Variants in RCL1 observed in about 807,000 individuals in gnomAD.
RCL1 encodes the protein RNA 3'-terminal phosphate cyclase-like protein.
A neutral mutation model predicts 42.4 loss-of-function variants in RCL1; 24 were observed. The observed-to-expected ratio is 0.57, with a 90% CI of 0.41 to 0.80. RCL1 has a LOEUF of 0.80. Ranked by LOEUF, RCL1 falls within the 30% of genes least tolerant of loss-of-function variation. RCL1 has a pLI of 0.00. For synonymous variants in RCL1, 228 were observed against 177.3 expected, an observed-to-expected ratio of 1.29 and a Z score of -2.27; for missense variants, 578 against 467.9, an observed-to-expected ratio of 1.24 and a Z score of -2.17.
chr9:4,831,331 C>T (rs562863133), intron 3 of RCL1, among the ~76,000 whole-genome samples: 2 of 148,798 alleles, frequency 1.3e-5, no homozygotes, highest in African/African-American at 5.2e-5. Context: ...CTCGAGAGAG[C>T]CGGTGGCTGC....
At chr9:4,820,686 C>T (rs1454045956) in intron 1 of RCL1, among the ~76,000 whole-genome samples, 1 of 152,158 alleles carries the variant, frequency 6.6e-6, no homozygotes, top group Non-Finnish European at 1.5e-5. Flanking sequence ...AAAGTTTGAA[C>T]AAATCAAGGG....
At chr9:4,850,493 CTTTT>C (rs35181848) in intron 8 of RCL1, 26 of 136,934 alleles carry the variant, frequency 1.9e-4, no homozygotes, top group South Asian at 4.1e-4. Context: ...TTTTTTTTTT[CTTTT>C]TTTTTTTTTT....
At chr9:4,831,993 T>C (rs1378139514) in intron 3 of RCL1, among the ~76,000 whole-genome samples, 1 of 152,172 alleles carries the variant, frequency 6.6e-6, no homozygotes, top group Non-Finnish European at 1.5e-5. Flanking sequence ...ATGCCTTCTG[T>C]GTGGTGCCTG....
chr9:4,829,589 G>C (rs1816883185), intron 3 of RCL1, among the ~76,000 whole-genome samples: 1 of 152,194 alleles, frequency 6.6e-6, no homozygotes, highest in African/African-American at 2.4e-5. Flanking sequence ...GATCTTACCT[G>C]CTGATACTTA....
chr9:4,808,795 G>C (rs902984949), intron 1 of RCL1, among the ~76,000 whole-genome samples: 10 of 152,184 alleles, frequency 6.6e-5, no homozygotes, highest in African/African-American at 2.2e-4. Flanking sequence ...GGGTAATGTG[G>C]ATTCTCATAT....
chr9:4,857,044 T>C (rs1035691217), intron 8 of RCL1, among the ~76,000 whole-genome samples: 3 of 152,226 alleles, frequency 2.0e-5, no homozygotes, highest in African/African-American at 7.2e-5. Context: ...ATCAGTTGTT[T>C]TATAGCATGG....
chr9:4,806,640 T>G (rs1340122379), intron 1 of RCL1, among the ~76,000 whole-genome samples: 1 of 132,872 alleles, frequency 7.5e-6, no homozygotes, highest in Non-Finnish European at 1.6e-5. Context: ...ACACATATAC[T>G]TACATATATA....
intron 1 of RCL1, among the ~76,000 whole-genome samples, chr9:4,796,943 A>G (rs76286458): frequency 0.016 from 2,444 of 152,278 alleles, 56 homozygotes; most frequent in African/African-American, 0.054. Flanking sequence ...TCTTTGAGAA[A>G]TCTCCATATG....
chr9:4,846,722 G>C (rs1232111502), intron 7 of RCL1, among the ~76,000 whole-genome samples: 1 of 152,098 alleles, frequency 6.6e-6, no homozygotes, highest in East Asian at 1.9e-4. Context: ...AATAGACCTT[G>C]GGAGAATTAG....
At chr9:4,800,318 G>A (rs994294503) in intron 1 of RCL1, among the ~76,000 whole-genome samples, 2 of 151,922 alleles carry the variant, frequency 1.3e-5, no homozygotes, top group Admixed American at 6.6e-5. Context: ...GGGTTCAGGC[G>A]ATTCTCCCAC....
chr9:4,860,293 G>A lies in RCL1; in HGVS notation c.*18G>A, dbSNP rs1438523820. ...TCAAGTGATAACCATCACAAGATAA[G>A]GCCCCAATGCCTACAGACAAAGCAG... is the stretch of plus-strand genomic sequence containing the variant. On this transcript the variant is annotated 3_prime_UTR_variant, in exon 9 of 9. Coordinates refer to ENST00000381750, the MANE Select transcript of RCL1 (RefSeq NM_005772.5). 1 of 1,610,080 alleles carries A rather than the reference G, an allele frequency of 6.2e-7. No individual in the cohort carries two copies. The highest frequency in any genetic ancestry group is 8.5e-7 in the Non-Finnish European group (1 of 1,178,662).
chr9:4,850,873 GT>G (rs1207939984), intron 8 of RCL1, among the ~76,000 whole-genome samples: 2 of 152,014 alleles, frequency 1.3e-5, no homozygotes, highest in East Asian at 1.9e-4. Flanking sequence ...CGTAGCTGCC[GT>G]TTCCCAGCCC....
At chr9:4,837,442 G>C (rs556116200) in intron 5 of RCL1, among the ~76,000 whole-genome samples, 1 of 152,216 alleles carries the variant, frequency 6.6e-6, no homozygotes, top group East Asian at 1.9e-4. Context: ...TTGTCTGGGG[G>C]GTAGTTGTTT....
At chr9:4,800,264 G>T (rs894490621) in intron 1 of RCL1, among the ~76,000 whole-genome samples, 1 of 151,674 alleles carries the variant, frequency 6.6e-6, no homozygotes, top group African/African-American at 2.4e-5. Context: ...GCCCAGGCTG[G>T]AGTGCAGTGG....
At chr9:4,859,239 T>C (rs1193445877) in intron 8 of RCL1, among the ~76,000 whole-genome samples, 1 of 152,214 alleles carries the variant, frequency 6.6e-6, no homozygotes, top group Non-Finnish European at 1.5e-5. Flanking sequence ...CCATTGTCCT[T>C]GTTGTGTTTA....
intron 1 of RCL1, 23 bp downstream of exon 1, chr9:4,793,250 C>T: frequency 6.4e-7 from 1 of 1,572,030 alleles, no homozygotes. Flanking sequence ...GGGCGGCGCG[C>T]GGCGTGGGCG....
chr9:4,839,860 G>C, intron 5 of RCL1: 1 of 985,568 alleles, frequency 1.0e-6, no homozygotes, highest in Non-Finnish European at 1.2e-6. Context: ...GAGATGTATG[G>C]TAAGTTCAAG....
intron 8 of RCL1, among the ~76,000 whole-genome samples, chr9:4,854,693 C>G (rs111931617): frequency 5.8e-4 from 89 of 152,270 alleles, no homozygotes; most frequent in African/African-American, 2.0e-3. Flanking sequence ...ATTCAACGGA[C>G]CCATGACCAC....
intron 8 of RCL1, among the ~76,000 whole-genome samples, chr9:4,857,580 C>T (rs1287788991): frequency 6.6e-6 from 1 of 152,034 alleles, no homozygotes; most frequent in Non-Finnish European, 1.5e-5. Context: ...TATTTGCGTG[C>T]AAGTTTTTGT....
Sources: allele counts gnomAD v4.1 joint callset (sites outside exome capture counted in the v4.1 genomes callset), GRCh38; gene constraint gnomAD v4.1.1; transcripts MANE v1.5; gene names NCBI Gene and HGNC (gene_info 2026-07-23, HGNC 2026-07-21).